Variants in GALNT13 observed in about 807,000 individuals in gnomAD.
The protein encoded by GALNT13 is UDP-GalNAc:polypeptide N-acetylgalactosaminyltransferase 13.
GALNT13 carries 28 observed loss-of-function variants against 64.2 expected under a neutral mutation model. The observed-to-expected ratio is 0.44, with a 90% confidence interval of 0.32 to 0.60. The LOEUF (loss-of-function observed/expected upper bound fraction) is 0.60, where lower values mean the gene tolerates loss of function less well. Ranked by LOEUF, GALNT13 falls within the 20% of genes least tolerant of loss-of-function variation. The probability of loss-of-function intolerance (pLI) is 0.05; values close to 1 mark genes in which losing one functional copy is unlikely to be tolerated. For missense variants in GALNT13, 577 were observed against 669.8 expected (o/e 0.86, Z 1.53); for synonymous variants, 214 against 224.6 (o/e 0.95, Z 0.42).
At chr2:153,263,087 C>T in the GALNT13 span, among the ~76,000 whole-genome samples, 1 of 151,988 alleles carries the variant, frequency 6.6e-6, no homozygotes, top group African/African-American at 2.4e-5. Flanking sequence ...TGATAAGCAA[C>T]ATTAGCAAAG....
At chr2:153,326,762 A>G in the GALNT13 span, among the ~76,000 whole-genome samples, 1 of 152,176 alleles carries the variant, frequency 6.6e-6, no homozygotes, top group African/African-American at 2.4e-5. Flanking sequence ...TTGGCTGGAT[A>G]TGAAAATCTG....
the GALNT13 span, among the ~76,000 whole-genome samples, chr2:153,399,424 T>C: frequency 5.0e-3 from 769 of 152,284 alleles, 4 homozygotes; most frequent in African/African-American, 0.018. Context: ...TTTAGTTCCA[T>C]ATGAACTTTA....
chr2:153,347,446 C>T, the GALNT13 span, among the ~76,000 whole-genome samples: 1 of 152,160 alleles, frequency 6.6e-6, no homozygotes. Context: ...TAATGAATTT[C>T]AAGACAGCAA....
chr2:154,182,755 A>C (rs1485503222), intron 4 of GALNT13, among the ~76,000 whole-genome samples: 1 of 151,450 alleles, frequency 6.6e-6, no homozygotes, highest in African/African-American at 2.4e-5. Context: ...TTTTAAAATA[A>C]GAGTAGGCCT....
chr2:153,279,479 T>C, the GALNT13 span, among the ~76,000 whole-genome samples: 20,766 of 152,188 alleles, frequency 0.14, 1,686 homozygotes, highest in African/African-American at 0.22. Flanking sequence ...CTGTTTAGTA[T>C]GAGGTTGCCT....
At chr2:154,224,537 T>G (rs1316778835) in intron 4 of GALNT13, among the ~76,000 whole-genome samples, 1 of 151,972 alleles carries the variant, frequency 6.6e-6, no homozygotes, top group Non-Finnish European at 1.5e-5. Flanking sequence ...TAAAAGATAG[T>G]ATAAAGTTTT....
intron 3 of GALNT13, among the ~76,000 whole-genome samples, chr2:154,074,185 A>G (rs1170700779): frequency 6.6e-6 from 1 of 151,862 alleles, no homozygotes; most frequent in Non-Finnish European, 1.5e-5. Flanking sequence ...TCCTAAGATA[A>G]AAAATTTTGA....
At chr2:154,211,027 C>T (rs1380423822) in intron 4 of GALNT13, among the ~76,000 whole-genome samples, 1 of 152,024 alleles carries the variant, frequency 6.6e-6, no homozygotes, top group Non-Finnish European at 1.5e-5. Flanking sequence ...CTTTGAGATG[C>T]CTGTGAGACA....
At chr2:154,093,232 G>C (rs929939932) in intron 3 of GALNT13, among the ~76,000 whole-genome samples, 1 of 151,884 alleles carries the variant, frequency 6.6e-6, no homozygotes, top group African/African-American at 2.4e-5. Flanking sequence ...TTTGATTATA[G>C]GGGATTCTCT....
At chr2:153,546,715 C>T in the GALNT13 span, among the ~76,000 whole-genome samples, 1 of 152,160 alleles carries the variant, frequency 6.6e-6, no homozygotes, top group East Asian at 1.9e-4. Context: ...GTCAATAAAT[C>T]TGTGTGTATA....
At chr2:153,294,904 C>G in the GALNT13 span, among the ~76,000 whole-genome samples, 1 of 152,026 alleles carries the variant, frequency 6.6e-6, no homozygotes, top group African/African-American at 2.4e-5. Flanking sequence ...GGCCTCTAAA[C>G]CAAAGCTTTA....
chr2:153,229,126 TA>T, the GALNT13 span, among the ~76,000 whole-genome samples: 1 of 152,190 alleles, frequency 6.6e-6, no homozygotes, highest in African/African-American at 2.4e-5. Context: ...GGGTGGGGCA[TA>T]CACTAGCAAA....
chr2:153,986,896 C>G (rs115917352), intron 3 of GALNT13, among the ~76,000 whole-genome samples: 1 of 151,746 alleles, frequency 6.6e-6, no homozygotes, highest in Non-Finnish European at 1.5e-5. Context: ...AAAATATTAA[C>G]GATAGAGGAA....
chr2:154,350,271 A>T (rs760920809), intron 9 of GALNT13, among the ~76,000 whole-genome samples: 3 of 152,210 alleles, frequency 2.0e-5, no homozygotes, highest in Non-Finnish European at 2.9e-5. Flanking sequence ...AGGCAGACCC[A>T]TCCTCAATAT....
At chr2:153,404,849 T>C in the GALNT13 span, among the ~76,000 whole-genome samples, 3 of 152,240 alleles carry the variant, frequency 2.0e-5, no homozygotes, top group Non-Finnish European at 4.4e-5. Context: ...AAGTTGAGAA[T>C]TAATTTTCCC....
At chr2:153,923,535 G>T (rs1689898561) in intron 2 of GALNT13, among the ~76,000 whole-genome samples, 1 of 151,764 alleles carries the variant, frequency 6.6e-6, no homozygotes, top group African/African-American at 2.4e-5. Context: ...CTCAATCATG[G>T]TTGTTTTTAT....
At chr2:153,662,026 G>A in the GALNT13 span, among the ~76,000 whole-genome samples, 175 of 152,216 alleles carry the variant, frequency 1.1e-3, no homozygotes, top group Non-Finnish European at 1.6e-3. Flanking sequence ...ATCGTGCACT[G>A]CACAGATCTT....
chr2:153,496,971 G>A, the GALNT13 span, among the ~76,000 whole-genome samples: 1 of 145,602 alleles, frequency 6.9e-6, no homozygotes, highest in South Asian at 2.2e-4. Flanking sequence ...TCCAGCCTGG[G>A]CGACAGAGCA....
At chr2:153,073,372 G>A in the GALNT13 span, among the ~76,000 whole-genome samples, 2 of 151,362 alleles carry the variant, frequency 1.3e-5, no homozygotes, top group African/African-American at 2.4e-5. Context: ...AACATGTTAC[G>A]CAAACCAGCT....
Sources: allele counts gnomAD v4.1 joint callset (sites outside exome capture counted in the v4.1 genomes callset), GRCh38; gene constraint gnomAD v4.1.1; transcripts MANE v1.5; gene names NCBI Gene and HGNC (gene_info 2026-07-23, HGNC 2026-07-21).